The following CDH2 variants were observed in gnomAD, a reference collection of about 807,000 sequenced individuals.
The protein encoded by CDH2 is cadherin 2.
In CDH2, 17 loss-of-function variants were observed where a neutral mutation model predicts 92.0. The observed-to-expected ratio is 0.18, with a 90% confidence interval of 0.13 to 0.28. CDH2 has a LOEUF of 0.28. Ranked by LOEUF, CDH2 falls within the 10% of genes least tolerant of loss-of-function variation. CDH2 has a pLI of 1.00. For missense variants in CDH2, 862 were observed against 1,133.1 expected (o/e 0.76, Z 3.44); for synonymous variants, 419 against 415.9 (o/e 1.01, Z -0.09).
At chr18:27,977,510 A>G (rs1207642823) in intron 14 of CDH2, among the ~76,000 whole-genome samples, 2 of 152,142 alleles carry the variant, frequency 1.3e-5, no homozygotes, top group Non-Finnish European at 2.9e-5. Flanking sequence ...GTAAAAGACT[A>G]CTTTGCTTTG....
chr18:27,971,948 CTT>C (rs2143914967), intron 14 of CDH2, among the ~76,000 whole-genome samples: 1 of 152,314 alleles, frequency 6.6e-6, no homozygotes, highest in South Asian at 2.1e-4. Flanking sequence ...TTCTCTAACA[CTT>C]AAAGTCCGAT....
intron 6 of CDH2, among the ~76,000 whole-genome samples, chr18:27,936,371 C>T (rs534037033): frequency 1.3e-5 from 2 of 152,240 alleles, no homozygotes; most frequent in South Asian, 4.1e-4. Context: ...AAATGCAGGG[C>T]TCCTGGCTGA....
chr18:27,965,236 A>C (rs1328586108), intron 14 of CDH2, among the ~76,000 whole-genome samples: 1 of 152,220 alleles, frequency 6.6e-6, no homozygotes, highest in Admixed American at 6.5e-5. Context: ...TGATCCTGGC[A>C]ACACTCTCCC....
At chr18:28,102,368 C>T (rs991120976) in intron 2 of CDH2, among the ~76,000 whole-genome samples, 11 of 147,476 alleles carry the variant, frequency 7.5e-5, no homozygotes, top group African/African-American at 2.9e-4. Context: ...TATTCTGACC[C>T]ATCTCTGCAG....
chr18:28,063,415 CT>C (rs1278203291), intron 2 of CDH2, among the ~76,000 whole-genome samples: 1 of 152,130 alleles, frequency 6.6e-6, no homozygotes, highest in Non-Finnish European at 1.5e-5. Flanking sequence ...GAGACGGTTC[CT>C]TTGAGGAATT....
Position 27,985,013 on chromosome 18 carries a change from G to A in CDH2, c.2196C>T (p.Ile732=). ...TGAIIAILLC[I]IILLILVLMF... The stretch of plus-strand genomic sequence containing the variant: ...AAAAGTACTCACTAAGCAGGATGAT[G>A]ATGCAGAGCAGGATGGCAATGATGG... The change falls in exon 13 of 16, where the codon ATC becomes ATT. Residue 732 remains isoleucine, a synonymous_variant. Transcript: ENST00000269141. 1.2e-6 allele frequency: 2 copies of A among 1,612,426 alleles called. No individual in the cohort carries two copies. Among genetic ancestry groups the A allele is most frequent in the Non-Finnish European group, 1.7e-6 (2 of 1,178,420 alleles).
chr18:28,174,239 G>A (rs2016504487), intron 1 of CDH2, among the ~76,000 whole-genome samples: 1 of 150,604 alleles, frequency 6.6e-6, no homozygotes, highest in Non-Finnish European at 1.5e-5. Context: ...GCTTAGTCTG[G>A]AATTTAAAAA....
At chr18:28,130,499 A>G (rs2015749251) in intron 2 of CDH2, among the ~76,000 whole-genome samples, 1 of 152,236 alleles carries the variant, frequency 6.6e-6, no homozygotes, top group African/African-American at 2.4e-5. Context: ...TCTGACAACT[A>G]CTGCTCTGAA....
chr18:28,054,393 A>G (rs1406913572), intron 2 of CDH2, among the ~76,000 whole-genome samples: 1 of 152,228 alleles, frequency 6.6e-6, no homozygotes, highest in African/African-American at 2.4e-5. Flanking sequence ...AGGAACAATG[A>G]CATGCATTTT....
At chr18:28,147,963 G>C (rs1376867784) in intron 1 of CDH2, among the ~76,000 whole-genome samples, 179 bp from the exon 2 acceptor site, 1 of 152,120 alleles carries the variant, frequency 6.6e-6, no homozygotes, top group African/African-American at 2.4e-5. Flanking sequence ...TTGATAACTG[G>C]AGTAGAAGAA....
chr18:28,106,702 C>A lies in CDH2; in HGVS notation c.172+40971G>T, dbSNP rs185783447. Reference sequence around the variant, plus strand: ...TTCTGTCTTAACTATTCTTTAAAACCTTTTTACTATATGATGGTAAATACG... The same window carrying A: ...TTCTGTCTTAACTATTCTTTAAAACATTTTTACTATATGATGGTAAATACG... On this transcript the variant is annotated intron_variant, in intron 2 of 15. Transcript: ENST00000269141. Among the ~76,000 whole-genome samples the A allele has an allele frequency of 2.1e-3, 316 of 152,078 alleles. 1 individual carries two copies. The highest frequency in any genetic ancestry group is 3.2e-3 in the Non-Finnish European group (219 of 67,974).
chr18:28,058,253 A>G (rs1464833612), intron 2 of CDH2, among the ~76,000 whole-genome samples: 1 of 152,216 alleles, frequency 6.6e-6, no homozygotes, highest in Admixed American at 6.5e-5. Flanking sequence ...CAAGCCTTTC[A>G]TAATCCATTG....
At chr18:27,968,609 C>G (rs888218600) in intron 14 of CDH2, among the ~76,000 whole-genome samples, 1 of 152,152 alleles carries the variant, frequency 6.6e-6, no homozygotes, top group South Asian at 2.1e-4. Flanking sequence ...TTAAAGTTCA[C>G]GGGCCTTTAT....
chr18:28,056,840 T>C (rs17535699), intron 2 of CDH2, among the ~76,000 whole-genome samples: 17 of 152,324 alleles, frequency 1.1e-4, no homozygotes, highest in African/African-American at 3.6e-4. Flanking sequence ...TATTAAGTTA[T>C]ATGGGAAGCA....
intron 2 of CDH2, among the ~76,000 whole-genome samples, chr18:28,057,887 T>C (rs1373136): frequency 0.25 from 38,529 of 152,068 alleles, 5,524 homozygotes; most frequent in African/African-American, 0.36. Context: ...AAAAGTTCTA[T>C]ACTTCATCAC....
At position 27,952,203 on chromosome 18, in the gene CDH2, C is replaced by T. The variant is rs764584049; in HGVS notation, c.2671G>A (p.Gly891Arg). The change falls in exon 16 of 16, where the codon GGG becomes AGG. Residue 891 changes from glycine to arginine, a missense_variant. Around this residue, in one of 5 missense-constraint regions of CDH2, gnomAD observed 114 missense variants for 144.8 expected, o/e 0.79. Coordinates refer to ENST00000269141, the MANE Select transcript of CDH2 (RefSeq NM_001792.5). The part of the protein sequence containing the change: ...EQDYDYLNDW[G>R]PRFKKLADMY... ...TCAGCAAGTTTCTTGAACCGTGGCCCCCAGTCGTTCAGGTAATCATAGTCC... is the reference window on the plus strand; with the variant it reads ...TCAGCAAGTTTCTTGAACCGTGGCCTCCAGTCGTTCAGGTAATCATAGTCC... 2 of 1,613,692 alleles carry T rather than the reference C, an allele frequency of 1.2e-6. No homozygotes were observed. The highest frequency in any genetic ancestry group is 8.5e-7 in the Non-Finnish European group (1 of 1,179,730).
rs747316277 is a variant in CDH2 at position 28,003,107 on chromosome 18, A to G, written c.910T>C (p.Leu304=). 2.5e-6 allele frequency: 4 copies of G among 1,613,656 alleles called. No individual in the cohort carries two copies. The highest frequency in any genetic ancestry group is 2.5e-6 in the Non-Finnish European group (3 of 1,179,710). Residue 304 remains leucine, a synonymous_variant, in exon 7 of 16, where the codon TTG becomes CTG. Coordinates refer to ENST00000269141, the MANE Select transcript of CDH2 (RefSeq NM_001792.5). Reference sequence around the variant, plus strand: ...GCCTGAGACACGATTCTGTACCTCAACATCCCATTGAGGGCATTGGGATCG... The same window carrying G: ...GCCTGAGACACGATTCTGTACCTCAGCATCCCATTGAGGGCATTGGGATCG... ...ADDPNALNGM[L]RYRIVSQAPS... is the part of the protein sequence containing the mutation.
At chr18:27,940,118 A>T (rs1237924956) in intron 6 of CDH2, among the ~76,000 whole-genome samples, 1 of 152,062 alleles carries the variant, frequency 6.6e-6, no homozygotes, top group Non-Finnish European at 1.5e-5. Context: ...CTTTCTTTCC[A>T]CAAACATAAA....
chr18:27,941,514 C>G (rs1473932233), intron 6 of CDH2, among the ~76,000 whole-genome samples: 2 of 152,066 alleles, frequency 1.3e-5, no homozygotes, highest in Non-Finnish European at 2.9e-5. Context: ...GTATTAAGTT[C>G]TTGTAAAGAA....
Sources: allele counts gnomAD v4.1 joint callset (sites outside exome capture counted in the v4.1 genomes callset), GRCh38; gene constraint gnomAD v4.1.1; regional missense constraint gnomAD v4.1.1; transcripts MANE v1.5; gene names NCBI Gene and HGNC (gene_info 2026-07-23, HGNC 2026-07-21).